The following NCK1 variants were observed in gnomAD, a reference collection of about 807,000 sequenced individuals.
NCK1 encodes the protein SH2/SH3 adapter protein NCK1.
Under a neutral mutation model 36.6 loss-of-function variants are expected in NCK1, and 19 were observed. The ratio of observed to expected loss-of-function variants is 0.52; its 90% CI spans 0.36 to 0.76. The LOEUF is 0.76. Ranked by LOEUF, NCK1 falls within the 30% of genes least tolerant of loss-of-function variation. The pLI is 0.00. For synonymous variants in NCK1, 165 were observed against 156.0 expected (o/e 1.06, Z -0.43); for missense variants, 358 against 445.6 (o/e 0.80, Z 1.77).
intron 1 of NCK1, among the ~76,000 whole-genome samples, chr3:136,880,210 G>A (rs12491278): frequency 0.68 from 103,306 of 151,290 alleles, 35,594 homozygotes; most frequent in East Asian, 0.87. Context: ...GCGTGAACCC[G>A]GGAGGTGGAG....
At chr3:136,879,776 T>G (rs1218517597) in intron 1 of NCK1, among the ~76,000 whole-genome samples, 1 of 151,594 alleles carries the variant, frequency 6.6e-6, no homozygotes. Context: ...AACCAAACAC[T>G]GCATGAGTTG....
intron 1 of NCK1, among the ~76,000 whole-genome samples, chr3:136,888,293 T>A (rs183055390): frequency 1.3e-5 from 2 of 152,264 alleles, no homozygotes; most frequent in East Asian, 3.9e-4. Context: ...TGTCGGTTTT[T>A]AAAAAAAGGT....
At chr3:136,864,424 G>A (rs1166090737) in intron 1 of NCK1, among the ~76,000 whole-genome samples, 1 of 152,050 alleles carries the variant, frequency 6.6e-6, no homozygotes, top group Non-Finnish European at 1.5e-5. Flanking sequence ...CCGGGAGTCG[G>A]AGGTTGCAGT....
chr3:136,865,686 T>C (rs1415580481), intron 1 of NCK1, among the ~76,000 whole-genome samples: 1 of 152,240 alleles, frequency 6.6e-6, no homozygotes, highest in African/African-American at 2.4e-5. Context: ...AAGGGAACTT[T>C]TGAAATCACT....
At chr3:136,932,329 C>T (rs1940414424) in intron 2 of NCK1, among the ~76,000 whole-genome samples, 1 of 151,984 alleles carries the variant, frequency 6.6e-6, no homozygotes, top group South Asian at 2.1e-4. Flanking sequence ...TTTATTTTGC[C>T]AGGCAGTTTG....
chr3:136,909,988 C>A (rs781314654), intron 1 of NCK1, among the ~76,000 whole-genome samples: 1 of 152,090 alleles, frequency 6.6e-6, no homozygotes, highest in Admixed American at 6.6e-5. Context: ...GAGTCTCTTA[C>A]GGATAGCATA....
chr3:136,911,610 A>G (rs1373867614), intron 1 of NCK1, among the ~76,000 whole-genome samples: 1 of 152,008 alleles, frequency 6.6e-6, no homozygotes, highest in Admixed American at 6.5e-5. Flanking sequence ...AATTGTCTGG[A>G]GTTCCTTATA....
intron 1 of NCK1, among the ~76,000 whole-genome samples, chr3:136,927,003 CTG>C (rs1377160136): frequency 2.6e-5 from 4 of 152,148 alleles, no homozygotes; most frequent in Admixed American, 1.3e-4. Context: ...CCAAGTCTGG[CTG>C]TGTCACCCAG....
intron 1 of NCK1, among the ~76,000 whole-genome samples, chr3:136,876,477 G>A (rs558618632): frequency 1.4e-4 from 22 of 152,020 alleles, no homozygotes; most frequent in East Asian, 3.9e-4. Context: ...TATCACCACC[G>A]ATCCCACAGA....
intron 2 of NCK1, among the ~76,000 whole-genome samples, chr3:136,945,313 T>G (rs186923231): frequency 0.01 from 1,526 of 152,260 alleles, 14 homozygotes; most frequent in Non-Finnish European, 0.015. Flanking sequence ...ACTTTATAAT[T>G]ATGTTATATA....
chr3:136,911,047 A>G (rs1490348624), intron 1 of NCK1, among the ~76,000 whole-genome samples: 1 of 152,178 alleles, frequency 6.6e-6, no homozygotes, highest in Non-Finnish European at 1.5e-5. Flanking sequence ...AATTTAGCAT[A>G]AAGTCCTCTA....
chr3:136,928,055 A>G lies in NCK1; in HGVS notation c.54A>G (p.Glu18=), dbSNP rs757047629. Residue 18 remains glutamate (E), a synonymous_variant, in exon 2 of 4, where the codon GAA becomes GAG. Transcript: ENST00000481752. ...VAKFDYVAQQ[E]QELDIKKNER... ...AATTTGATTATGTGGCCCAACAAGA[A>G]CAAGAGTTGGACATCAAGAAGAATG... The G allele has an allele frequency of 1.9e-6, 3 of 1,614,070 alleles. No individual in the cohort carries two copies. Among genetic ancestry groups the G allele is most frequent in the Non-Finnish European group, 2.5e-6 (3 of 1,180,042 alleles).
intron 1 of NCK1, among the ~76,000 whole-genome samples, chr3:136,919,805 T>C (rs966304124): frequency 6.6e-6 from 1 of 152,270 alleles, no homozygotes. Context: ...TCAGTAGTTA[T>C]ACCCTAAGGA....
chr3:136,864,318 G>C (rs28564581), intron 1 of NCK1, among the ~76,000 whole-genome samples: 103,846 of 151,142 alleles, frequency 0.69, 35,862 homozygotes, highest in East Asian at 0.87. Context: ...CGGTGAAACC[G>C]CGTCTCTACT....
At position 136,927,196 on chromosome 3, in the gene NCK1, T is replaced by G. The variant is rs149694964; in HGVS notation, c.-18-788T>G. Reference sequence around the variant, plus strand: ...CATGTTGGCCAGGCTGGTCTTGCATTCCTGACCTCAGGTGATCCACCAGCC... The same window carrying G: ...CATGTTGGCCAGGCTGGTCTTGCATGCCTGACCTCAGGTGATCCACCAGCC... On this transcript the variant is annotated intron_variant, in intron 1 of 3. Transcript: ENST00000481752. Among the ~76,000 whole-genome samples, 287 of 152,306 alleles carry G rather than the reference T, an allele frequency of 1.9e-3. 1 individual carries two copies. Among genetic ancestry groups the G allele is most frequent in the African/African-American group, 6.5e-3 (272 of 41,574 alleles).
At chr3:136,909,215 G>A (rs1020868970) in intron 1 of NCK1, among the ~76,000 whole-genome samples, 26 of 152,178 alleles carry the variant, frequency 1.7e-4, no homozygotes, top group Admixed American at 1.3e-4. Context: ...AGAGGCAGAA[G>A]TTAGGTAGAA....
chr3:136,887,189 C>G (rs995087899), intron 1 of NCK1, among the ~76,000 whole-genome samples: 1 of 152,178 alleles, frequency 6.6e-6, no homozygotes, highest in Non-Finnish European at 1.5e-5. Flanking sequence ...TGAGGTTTCA[C>G]TGTGTTTTCC....
intron 1 of NCK1, among the ~76,000 whole-genome samples, chr3:136,882,858 A>G (rs550111175): frequency 6.6e-6 from 1 of 152,338 alleles, no homozygotes; most frequent in South Asian, 2.1e-4. Flanking sequence ...CACAGTCATT[A>G]GTGAATACTA....
intron 1 of NCK1, among the ~76,000 whole-genome samples, chr3:136,891,389 C>A (rs911244265): frequency 1.3e-5 from 2 of 152,224 alleles, no homozygotes; most frequent in African/African-American, 4.8e-5. Context: ...CCCGCCTCAG[C>A]CTCCCAAAGT....
Sources: gnomAD v4.1 joint callset for allele counts (sites outside exome capture counted in the v4.1 genomes callset) on GRCh38, gnomAD v4.1.1 for gene constraint, MANE v1.5 for transcripts, NCBI Gene and HGNC (gene_info 2026-07-23, HGNC 2026-07-21) for gene names.